The following FTO variants were observed in gnomAD, a reference collection of about 807,000 sequenced individuals.
FTO encodes FTO alpha-ketoglutarate dependent dioxygenase.
In FTO, 47 loss-of-function variants were observed where a neutral mutation model predicts 63.9. The ratio of observed to expected loss-of-function variants is 0.74; its 90% CI spans 0.58 to 0.94. FTO has a LOEUF of 0.94. FTO is among the 40% of genes least tolerant of loss of function. FTO has a pLI of 0.00. For missense variants in FTO, 562 were observed against 618.1 expected (o/e 0.91, Z 0.96); for synonymous variants, 207 against 224.4 (o/e 0.92, Z 0.69).
At chr16:53,856,152 C>T (rs2079985612) in intron 4 of FTO, among the ~76,000 whole-genome samples, 1 of 151,950 alleles carries the variant, frequency 6.6e-6, no homozygotes, top group South Asian at 2.1e-4. Context: ...TTTGCCACTC[C>T]TGTAAAGACA....
intron 1 of FTO, among the ~76,000 whole-genome samples, chr16:53,788,271 C>T (rs72803697): frequency 0.41 from 61,728 of 151,532 alleles, 12,955 homozygotes; most frequent in African/African-American, 0.48. Context: ...TTTTCCCCCA[C>T]CTCTTTGGCT....
rs577839113 is a variant in FTO at position 53,787,373 on chromosome 16, T to C, written c.46-22767T>C. On this transcript the variant is annotated intron_variant, in intron 1 of 8. Transcript: ENST00000471389. ...GCCAATATTGGCCAACTTACTTTGA[T>C]TTCGGTAGTCATAACACCACCCTGG... Among the ~76,000 whole-genome samples, 120 of 151,350 alleles carry C rather than the reference T, an allele frequency of 7.9e-4. 4 individuals carry two copies. The South Asian group carries it at 0.025, about 31-fold the overall frequency.
At chr16:53,714,704 TG>T (rs1166257518) in intron 1 of FTO, among the ~76,000 whole-genome samples, 3 of 152,206 alleles carry the variant, frequency 2.0e-5, no homozygotes, top group Non-Finnish European at 4.4e-5. Context: ...GTTACATTAT[TG>T]GCTGGTAACA....
chr16:53,791,834 G>C (rs901702336), intron 1 of FTO, among the ~76,000 whole-genome samples: 4 of 152,174 alleles, frequency 2.6e-5, no homozygotes, highest in African/African-American at 9.7e-5. Flanking sequence ...AGCACTTTGG[G>C]AGGCCGAGGC....
At chr16:53,979,248 T>C (rs544661354) in intron 8 of FTO, 1 of 394,950 alleles carries the variant, frequency 2.5e-6, no homozygotes, top group East Asian at 3.6e-5. Context: ...TTGAACAGAT[T>C]CCTAGATATG....
intron 3 of FTO, among the ~76,000 whole-genome samples, chr16:53,837,610 G>A (rs2079339251): frequency 6.6e-6 from 1 of 152,116 alleles, no homozygotes; most frequent in Admixed American, 6.5e-5. Flanking sequence ...TCAGCAGCAA[G>A]CTTTTCTTGC....
chr16:54,102,034 A>G (rs541223922), intron 8 of FTO, among the ~76,000 whole-genome samples: 1 of 152,084 alleles, frequency 6.6e-6, no homozygotes, highest in East Asian at 1.9e-4. Flanking sequence ...ACATTTGTTT[A>G]AGTTCTTTAT....
At chr16:53,950,050 GA>G (rs1407651348) in intron 8 of FTO, among the ~76,000 whole-genome samples, 3 of 141,554 alleles carry the variant, frequency 2.1e-5, no homozygotes, top group South Asian at 2.3e-4. Flanking sequence ...TTTGGGGGGG[GA>G]AAGTAAAGGT....
At chr16:53,853,292 AG>A (rs1158827631) in intron 4 of FTO, among the ~76,000 whole-genome samples, 2 of 152,142 alleles carry the variant, frequency 1.3e-5, no homozygotes, top group Non-Finnish European at 1.5e-5. Flanking sequence ...GTGACAGAGC[AG>A]GACTTTGTCT....
intron 8 of FTO, among the ~76,000 whole-genome samples, chr16:54,041,140 G>T (rs2085065467): frequency 6.6e-6 from 1 of 152,158 alleles, no homozygotes; most frequent in Admixed American, 6.5e-5. Context: ...ATGCTGTAAA[G>T]ATGCTATCTG....
chr16:53,974,396 T>C (rs2083391618), intron 8 of FTO, among the ~76,000 whole-genome samples: 2 of 152,214 alleles, frequency 1.3e-5, no homozygotes, highest in South Asian at 4.1e-4. Context: ...TTGTTCAGAA[T>C]TGAAGCACTA....
At chr16:53,826,918 C>T (rs2079022913) in intron 3 of FTO, among the ~76,000 whole-genome samples, 1 of 152,210 alleles carries the variant, frequency 6.6e-6, no homozygotes. Context: ...CCCACAGGTG[C>T]ACATTTCCAG....
intron 1 of FTO, among the ~76,000 whole-genome samples, chr16:53,766,124 C>T (rs72803668): frequency 6.6e-6 from 1 of 152,264 alleles, no homozygotes; most frequent in Non-Finnish European, 1.5e-5. Flanking sequence ...GTAGGCAAAG[C>T]TGCCAGGATT....
At chr16:54,074,026 T>G (rs2085930043) in intron 8 of FTO, among the ~76,000 whole-genome samples, 1 of 152,116 alleles carries the variant, frequency 6.6e-6, no homozygotes, top group African/African-American at 2.4e-5. Context: ...GAGTTAACAT[T>G]GTACAATAAA....
At chr16:53,930,211 T>C (rs1485256752) in intron 7 of FTO, among the ~76,000 whole-genome samples, 1 of 150,140 alleles carries the variant, frequency 6.7e-6, no homozygotes, top group African/African-American at 2.5e-5. Context: ...TTTACTTTTA[T>C]GATTATCTTC....
intron 8 of FTO, chr16:53,993,062 T>A (rs1363160438): frequency 6.6e-6 from 1 of 152,204 alleles, no homozygotes; most frequent in Non-Finnish European, 1.5e-5. Flanking sequence ...TTCATTTAGA[T>A]CCTTCCCTGT....
At chr16:53,715,096 CCTGA>C (rs1319935031) in intron 1 of FTO, among the ~76,000 whole-genome samples, 2 of 152,136 alleles carry the variant, frequency 1.3e-5, no homozygotes, top group Non-Finnish European at 2.9e-5. Flanking sequence ...CAGTCTGTGT[CCTGA>C]CTGTCTACTT....
intron 8 of FTO, among the ~76,000 whole-genome samples, chr16:54,065,490 G>A (rs1322822288): frequency 6.6e-6 from 1 of 152,156 alleles, no homozygotes; most frequent in Non-Finnish European, 1.5e-5. Context: ...GCTGACCTCT[G>A]TTGCTGCTCT....
intron 8 of FTO, among the ~76,000 whole-genome samples, chr16:54,091,983 A>G (rs374987656): frequency 1.6e-3 from 251 of 152,336 alleles, no homozygotes; most frequent in African/African-American, 5.9e-3. Context: ...CAACATTAGA[A>G]AAAAGAAAAA....
Sources: gnomAD v4.1 joint callset for allele counts (sites outside exome capture counted in the v4.1 genomes callset) on GRCh38, gnomAD v4.1.1 for gene constraint, MANE v1.5 for transcripts, NCBI Gene and HGNC (gene_info 2026-07-23, HGNC 2026-07-21) for gene names.